SLC12A3: variants seen among roughly 807,000 people sequenced by gnomAD.
SLC12A3 encodes the protein solute carrier family 12 member 3, also known as Na-Cl cotransporter.
Under a neutral mutation model 121.0 loss-of-function variants are expected in SLC12A3, and 104 were observed. That is an observed-to-expected ratio of 0.86 (90% confidence interval 0.73 to 1.01). The LOEUF (loss-of-function observed/expected upper bound fraction) is 1.01. SLC12A3 is among the 50% of genes least tolerant of loss of function. The pLI, the probability that SLC12A3 is intolerant of heterozygous loss-of-function variation, is 0.00. For synonymous variants in SLC12A3, 536 were observed against 533.4 expected (o/e 1.00, Z -0.07); for missense variants, 1,328 against 1,356.3 (o/e 0.98, Z 0.33).
chr16:56,870,373 G>A, intron 5 of SLC12A3, 138 bp downstream of exon 5: 1 of 1,004,344 alleles, frequency 1.0e-6, no homozygotes, highest in African/African-American at 1.6e-5. Flanking sequence ...CACTGTGGGT[G>A]AGAGTGACAA....
intron 21 of SLC12A3, 148 bp downstream of exon 21, chr16:56,893,202 T>A (rs1413732291): frequency 3.1e-6 from 2 of 644,916 alleles, no homozygotes; most frequent in African/African-American, 3.7e-5. Flanking sequence ...GGGACCCCTC[T>A]GTCTGGCCTC....
chr16:56,879,538 A>G lies in SLC12A3; in HGVS notation c.1336-4A>G. The G allele has an allele frequency of 6.2e-7, 1 of 1,611,798 alleles. No individual in the cohort carries two copies. Among genetic ancestry groups the G allele is most frequent in the Non-Finnish European group, 8.5e-7 (1 of 1,178,300 alleles). ...TGGAGTCCCTGAGCCCCAAATCCCC[A>G]CAGACCATGAGCATGGTGTCAGGCT... On this transcript the variant is annotated splice_region_variant and splice_polypyrimidine_tract_variant and intron_variant, in intron 10 of 25. Transcript: ENST00000563236.
intron 12 of SLC12A3, 33 bp from the exon 13 acceptor site, chr16:56,882,363 C>T (rs1169105623): frequency 1.3e-6 from 2 of 1,577,222 alleles, no homozygotes; most frequent in Non-Finnish European, 1.7e-6. Context: ...AGTTGCCCAA[C>T]AGGCTGTCCT....
chr16:56,865,627 C>G (rs1199587082), intron 1 of SLC12A3, 110 bp downstream of exon 1: 1 of 1,224,814 alleles, frequency 8.2e-7, no homozygotes, highest in East Asian at 2.4e-5. Context: ...GATGGAGGAG[C>G]GTCTTCTTCC....
At position 56,880,253 on chromosome 16, in the gene SLC12A3, G is replaced by A. The variant is rs781137708; in HGVS notation, c.1567G>A (p.Ala523Thr). 1.1e-5 allele frequency: 18 copies of A among 1,577,760 alleles called. No individual in the cohort carries two copies. The highest frequency in any genetic ancestry group is 1.7e-4 in the Middle Eastern group (1 of 6,016). Reference sequence around the variant, plus strand: ...CATCGCTGTGGCCTTCATCATCATCGGTAAGGCTCTGCCAGGGCTCACAGG... The same window carrying A: ...CATCGCTGTGGCCTTCATCATCATCAGTAAGGCTCTGCCAGGGCTCACAGG... ...YAIAVAFIII[A>T]ELNTIAPIIS... Residue 523 changes from alanine to threonine, a missense_variant and splice_region_variant, in exon 12 of 26, where the codon GCT becomes ACT. By Grantham distance (58) the Ala-to-Thr change is moderately conservative (BLOSUM62 0). Coordinates refer to ENST00000563236, the MANE Select transcript of SLC12A3 (RefSeq NM_001126108.2).
rs112773349 is a variant in SLC12A3 at position 56,874,590 on chromosome 16, C to T, written c.1095+1804C>T. ...CCAGAGCAGGTGGATCACTTGAGGT[C>T]GGGAGTTCGAGACCAGCCTGGCTAA... On this transcript the variant is annotated intron_variant, in intron 8 of 25. Coordinates refer to ENST00000563236, the MANE Select transcript of SLC12A3 (RefSeq NM_001126108.2). 7.9e-5 allele frequency among the ~76,000 whole-genome samples: 12 copies of T among 152,256 alleles called. No individual in the cohort carries two copies. The South Asian group carries it at 1.2e-3, about 16-fold the overall frequency.
At chr16:56,890,495 C>G in intron 19 of SLC12A3, 139 bp downstream of exon 19, 1 of 714,928 alleles carries the variant, frequency 1.4e-6, no homozygotes, top group Non-Finnish European at 2.5e-6. Flanking sequence ...TAGAGCCCAT[C>G]AGTTTTCCCA....
intron 18 of SLC12A3, among the ~76,000 whole-genome samples, chr16:56,888,715 C>T (rs936276337): frequency 3.4e-4 from 52 of 151,664 alleles, no homozygotes; most frequent in African/African-American, 5.8e-4. Flanking sequence ...CCCGCCACCA[C>T]GCCCGGCTAA....
At chr16:56,874,520 G>C (rs1190571822) in intron 8 of SLC12A3, among the ~76,000 whole-genome samples, 4 of 152,236 alleles carry the variant, frequency 2.6e-5, no homozygotes, top group Non-Finnish European at 4.4e-5. Context: ...TGTGCATTGA[G>C]CCAGGCACAG....
rs143757080 is a variant in SLC12A3 at position 56,870,178 on chromosome 16, C to T, written c.684C>T (p.Ala228=). The change falls in exon 5 of 26, where the codon GCC becomes GCT. Residue 228 remains alanine (A), a synonymous_variant. Transcript: ENST00000563236. ...SIGLIFAFAN[A]VGVAMHTVGF... ...GCCTCATTTTCGCTTTCGCCAATGC[C>T]GTGGGTGTGGCCATGCACACGGTGG... 1.1e-5 allele frequency: 17 copies of T among 1,613,958 alleles called. No individual in the cohort carries two copies. The highest frequency in any genetic ancestry group is 2.7e-5 in the African/African-American group (2 of 74,936).
chr16:56,878,303 G>T, intron 9 of SLC12A3, 142 bp downstream of exon 9: 1 of 685,592 alleles, frequency 1.5e-6, no homozygotes, highest in South Asian at 1.6e-5. Flanking sequence ...GGAGGGTGTG[G>T]CGACCTTAGG....
intron 9 of SLC12A3, among the ~76,000 whole-genome samples, chr16:56,878,467 T>TGAC (rs2055194840): frequency 2.0e-5 from 2 of 102,136 alleles, no homozygotes; most frequent in South Asian, 6.8e-4. Context: ...CTAGGAGTGA[T>TGAC]GATGATGATG....
chr16:56,877,998 C>T, intron 8 of SLC12A3, 79 bp from the exon 9 acceptor site: 1 of 865,480 alleles, frequency 1.2e-6, no homozygotes, highest in Non-Finnish European at 1.8e-6. Flanking sequence ...GAAGGAGGCC[C>T]AGGGGCTGCC....
intron 12 of SLC12A3, among the ~76,000 whole-genome samples, chr16:56,880,777 T>C (rs896813836): frequency 6.0e-4 from 91 of 152,256 alleles, no homozygotes; most frequent in African/African-American, 2.0e-3. Flanking sequence ...AGGTAATCGG[T>C]TCATTAGATC....
chr16:56,867,425 C>T (rs1445139249), intron 2 of SLC12A3, among the ~76,000 whole-genome samples: 5 of 152,184 alleles, frequency 3.3e-5, no homozygotes, highest in African/African-American at 2.4e-5. Context: ...AAAAAGCCAC[C>T]AGGGGGCTGC....
intron 23 of SLC12A3, among the ~76,000 whole-genome samples, chr16:56,901,216 C>T (rs1392723758): frequency 1.3e-5 from 2 of 152,212 alleles, no homozygotes; most frequent in Non-Finnish European, 2.9e-5. Flanking sequence ...CTCGCCCTTG[C>T]TGGCATCCTT....
intron 2 of SLC12A3, among the ~76,000 whole-genome samples, chr16:56,867,982 G>T (rs1310593552): frequency 6.6e-6 from 1 of 152,230 alleles, no homozygotes; most frequent in Admixed American, 6.5e-5. Context: ...GACCACTGGG[G>T]CCATGGTCGG....
rs1056901149 is a variant in SLC12A3, at chr16:56,887,009, G to A, written c.2094G>A (p.Lys698=). ...ELQLIANGHT[K]WLNKRKIKAF... ...AGCTCATCGCCAACGGGCACACCAA[G>A]TGGCTGAACAAGAGGAAGATCAAGG... Residue 698 remains lysine, a synonymous_variant, in exon 17 of 26, where the codon AAG becomes AAA. Coordinates refer to ENST00000563236, the MANE Select transcript of SLC12A3 (RefSeq NM_001126108.2). 13 of 1,613,722 alleles carry A rather than the reference G, an allele frequency of 8.1e-6. No homozygotes were observed. The highest frequency in any genetic ancestry group is 1.0e-5 in the Non-Finnish European group (12 of 1,179,958).
intron 22 of SLC12A3, among the ~76,000 whole-genome samples, chr16:56,898,230 G>A (rs773171250): frequency 4.0e-5 from 6 of 151,440 alleles, no homozygotes; most frequent in Non-Finnish European, 5.9e-5. Context: ...CCAGGCAGGT[G>A]TATTTTTTTG....
Sources: gnomAD v4.1 joint callset for allele counts (sites outside exome capture counted in the v4.1 genomes callset) on GRCh38, gnomAD v4.1.1 for gene constraint, MANE v1.5 for transcripts, NCBI Gene and HGNC (gene_info 2026-07-23, HGNC 2026-07-21) for gene names.